The following NSMCE2 variants were observed in gnomAD, a reference collection of about 807,000 sequenced individuals.
NSMCE2 encodes E3 SUMO-protein ligase NSE2.
NSMCE2 carries 24 observed loss-of-function variants against 23.8 expected under a neutral mutation model. The observed-to-expected ratio is 1.01, with a 90% CI of 0.73 to 1.42. NSMCE2 has a LOEUF of 1.42. Among genes scored for constraint, NSMCE2 ranks in the 40% most tolerant of loss-of-function variants. The pLI is 0.00. For synonymous variants in NSMCE2, 92 were observed against 94.1 expected (o/e 0.98, Z 0.13); for missense variants, 284 against 296.5 (o/e 0.96, Z 0.31).
chr8:125,143,189 G>A (rs963673788), intron 3 of NSMCE2, among the ~76,000 whole-genome samples: 1 of 151,804 alleles, frequency 6.6e-6, no homozygotes, highest in African/African-American at 2.4e-5. Context: ...GAGAAGAAGG[G>A]TTTTTTTTGT....
intron 3 of NSMCE2, among the ~76,000 whole-genome samples, chr8:125,141,046 A>T (rs117538404): frequency 6.6e-6 from 1 of 152,148 alleles, no homozygotes; most frequent in African/African-American, 2.4e-5. Context: ...CCATAGCCTG[A>T]GTTTCCATAG....
At chr8:125,219,282 C>G (rs117768435) in intron 5 of NSMCE2, among the ~76,000 whole-genome samples, 1 of 152,174 alleles carries the variant, frequency 6.6e-6, no homozygotes, top group Non-Finnish European at 1.5e-5. Context: ...CTTAATTTAT[C>G]TGGCTGGATT....
intron 5 of NSMCE2, among the ~76,000 whole-genome samples, chr8:125,286,315 ATT>A (rs57559309): frequency 1.3e-5 from 2 of 148,276 alleles, no homozygotes; most frequent in Non-Finnish European, 1.5e-5. Flanking sequence ...CCTTTTATTT[ATT>A]TTTTTTTTTT....
intron 5 of NSMCE2, among the ~76,000 whole-genome samples, chr8:125,199,663 G>A (rs1823779127): frequency 6.6e-6 from 1 of 152,152 alleles, no homozygotes; most frequent in African/African-American, 2.4e-5. Context: ...TTGATTTGGG[G>A]TGGAGAGTTT....
intron 5 of NSMCE2, among the ~76,000 whole-genome samples, chr8:125,216,168 A>C (rs1824571734): frequency 6.6e-6 from 1 of 152,188 alleles, no homozygotes; most frequent in Non-Finnish European, 1.5e-5. Flanking sequence ...TTCTCTTTTA[A>C]GGCTGAATAT....
At chr8:125,316,638 ATTTCCTTCTTTCCTTCTTTCC>A (rs1829196853) in intron 5 of NSMCE2, among the ~76,000 whole-genome samples, 1 of 34,038 alleles carries the variant, frequency 2.9e-5, no homozygotes. Flanking sequence ...TCCTTTCTTT[ATTTCCTTCTTTCCTTCTTTCC>A]TTCCTTCCTT....
intron 5 of NSMCE2, among the ~76,000 whole-genome samples, chr8:125,245,147 G>C (rs934119648): frequency 6.6e-6 from 1 of 152,080 alleles, no homozygotes; most frequent in South Asian, 2.1e-4. Flanking sequence ...GCCCGGCGTG[G>C]TGGTGGACAC....
At chr8:125,324,990 A>G (rs902501434) in intron 5 of NSMCE2, among the ~76,000 whole-genome samples, 3 of 152,348 alleles carry the variant, frequency 2.0e-5, no homozygotes, top group East Asian at 1.9e-4. Flanking sequence ...TACTAAGGGC[A>G]CAAGGCAACT....
chr8:125,092,091 AGTG>A (rs1456122312), intron 1 of NSMCE2, 133 bp downstream of exon 1: 2 of 152,230 alleles, frequency 1.3e-5, no homozygotes, highest in East Asian at 3.8e-4. Flanking sequence ...ACGCCACGGT[AGTG>A]AGTCTGGGAC....
chr8:125,148,992 A>G (rs1352211469), intron 3 of NSMCE2, among the ~76,000 whole-genome samples: 2 of 152,182 alleles, frequency 1.3e-5, no homozygotes, highest in Non-Finnish European at 2.9e-5. Context: ...AGCAACATAT[A>G]TATGTTGGTA....
At chr8:125,306,607 A>C (rs1427399619) in intron 5 of NSMCE2, among the ~76,000 whole-genome samples, 8 of 152,208 alleles carry the variant, frequency 5.3e-5, no homozygotes, top group Non-Finnish European at 5.9e-5. Flanking sequence ...AAATGTGAAA[A>C]TAGCACGTTT....
intron 5 of NSMCE2, among the ~76,000 whole-genome samples, chr8:125,183,327 GT>G (rs1274879084): frequency 6.6e-6 from 1 of 152,172 alleles, no homozygotes; most frequent in Non-Finnish European, 1.5e-5. Context: ...AATTTGGAAT[GT>G]TTTGCAATCA....
intron 5 of NSMCE2, among the ~76,000 whole-genome samples, chr8:125,218,417 T>G (rs4481615): frequency 0.094 from 14,095 of 150,266 alleles, 818 homozygotes; most frequent in South Asian, 0.17. Flanking sequence ...ATTGAGGGTT[T>G]TTTTTTTTTT....
chr8:125,246,440 C>G (rs1825965838), intron 5 of NSMCE2, among the ~76,000 whole-genome samples: 1 of 152,086 alleles, frequency 6.6e-6, no homozygotes. Flanking sequence ...CCTCCTCCTC[C>G]CAAAGTGCTA....
chr8:125,245,517 G>C (rs941563841), intron 5 of NSMCE2, among the ~76,000 whole-genome samples: 1 of 152,084 alleles, frequency 6.6e-6, no homozygotes, highest in Admixed American at 6.5e-5. Context: ...TGGGAAGAGG[G>C]TTTATCAAAA....
intron 5 of NSMCE2, among the ~76,000 whole-genome samples, chr8:125,331,307 A>G (rs1829867795): frequency 6.6e-6 from 1 of 152,170 alleles, no homozygotes; most frequent in South Asian, 2.1e-4. Flanking sequence ...CTCAAAAAAT[A>G]AAAAATAATA....
At chr8:125,335,128 A>T (rs914780371) in intron 5 of NSMCE2, among the ~76,000 whole-genome samples, 1 of 152,130 alleles carries the variant, frequency 6.6e-6, no homozygotes, top group Non-Finnish European at 1.5e-5. Context: ...TGTACCACAG[A>T]GTGAAGTCCC....
intron 1 of NSMCE2, among the ~76,000 whole-genome samples, chr8:125,098,557 G>C (rs1343995416): frequency 1.3e-5 from 2 of 152,162 alleles, no homozygotes; most frequent in African/African-American, 4.8e-5. Flanking sequence ...GACTGTTGGA[G>C]TAATTCAGGC....
At chr8:125,144,918 G>A (rs1820590288) in intron 3 of NSMCE2, among the ~76,000 whole-genome samples, 1 of 152,240 alleles carries the variant, frequency 6.6e-6, no homozygotes, top group Middle Eastern at 3.4e-3. Flanking sequence ...TGCTGTTAGT[G>A]GGTTTTGACA....
Sources: allele counts gnomAD v4.1 joint callset (sites outside exome capture counted in the v4.1 genomes callset), GRCh38; gene constraint gnomAD v4.1.1; transcripts MANE v1.5; gene names NCBI Gene and HGNC (gene_info 2026-07-23, HGNC 2026-07-21).